SLC26A5: variants seen among roughly 807,000 people sequenced by gnomAD.
SLC26A5 encodes solute carrier family 26 member 5.
Under a neutral mutation model 81.0 loss-of-function variants are expected in SLC26A5, and 51 were observed. The observed-to-expected ratio is 0.63, with a 90% CI of 0.50 to 0.80. The LOEUF is 0.80. Ranked by LOEUF, SLC26A5 falls within the 30% of genes least tolerant of loss-of-function variation. SLC26A5 has a pLI of 0.00. For synonymous variants in SLC26A5, 325 were observed against 332.8 expected, an observed-to-expected ratio of 0.98 and a Z score of 0.25; for missense variants, 771 against 905.8, an observed-to-expected ratio of 0.85 and a Z score of 1.91.
chr7:103,363,192 A>C (rs1820514219), intron 19 of SLC26A5: 2 of 599,438 alleles, frequency 3.3e-6, no homozygotes, highest in Non-Finnish European at 2.9e-6. Context: ...TAATACAGCA[A>C]GTAGTTCCAG....
chr7:103,391,877 A>T (rs1405252692), intron 10 of SLC26A5, 142 bp from the exon 11 acceptor site: 1 of 726,114 alleles, frequency 1.4e-6, no homozygotes, highest in Admixed American at 2.0e-5. Context: ...GTTCAGCATG[A>T]GTTCAAAATA....
intron 4 of SLC26A5, among the ~76,000 whole-genome samples, chr7:103,419,737 C>A (rs1030702233): frequency 1.3e-5 from 2 of 151,974 alleles, no homozygotes; most frequent in African/African-American, 4.8e-5. Context: ...GGGGTTTCAC[C>A]ATGTTGGCCA....
At chr7:103,427,248 AT>A (rs890101355) in intron 2 of SLC26A5, among the ~76,000 whole-genome samples, 4 of 151,676 alleles carry the variant, frequency 2.6e-5, no homozygotes, top group Non-Finnish European at 5.9e-5. Context: ...TACTTTTTGT[AT>A]TTTTTTGGTA....
chr7:103,362,158 T>C, intron 19 of SLC26A5: 3 of 1,591,042 alleles, frequency 1.9e-6, no homozygotes, highest in Non-Finnish European at 2.6e-6. Flanking sequence ...TATCCTTGGC[T>C]TTGTAGTGAA....
intron 5 of SLC26A5, among the ~76,000 whole-genome samples, chr7:103,412,737 G>A (rs963714203): frequency 2.9e-4 from 44 of 151,942 alleles, no homozygotes; most frequent in African/African-American, 9.4e-4. Flanking sequence ...TTTACAAAGA[G>A]ATGGGGTTTC....
intron 8 of SLC26A5, among the ~76,000 whole-genome samples, chr7:103,398,949 G>C (rs1823366589): frequency 6.6e-6 from 1 of 151,992 alleles, no homozygotes; most frequent in African/African-American, 2.4e-5. Context: ...CTCTAACTAG[G>C]GGAGTGCCTA....
At chr7:103,406,827 A>G (rs1284992059) in intron 8 of SLC26A5, among the ~76,000 whole-genome samples, 1 of 152,064 alleles carries the variant, frequency 6.6e-6, no homozygotes, top group Non-Finnish European at 1.5e-5. Flanking sequence ...AATTTTTTGT[A>G]TTTTTAGTAG....
intron 9 of SLC26A5, among the ~76,000 whole-genome samples, chr7:103,394,186 G>A (rs1475998919): frequency 6.6e-6 from 1 of 152,184 alleles, no homozygotes; most frequent in African/African-American, 2.4e-5. Context: ...AGGAAACAGA[G>A]GAAGAAAGGG....
At chr7:103,429,081 G>C (rs771482966) in intron 2 of SLC26A5, among the ~76,000 whole-genome samples, 1 of 152,214 alleles carries the variant, frequency 6.6e-6, no homozygotes, top group African/African-American at 2.4e-5. Context: ...CAACATTCTG[G>C]GAACAGTATC....
chr7:103,436,901 G>A (rs1826491635), intron 2 of SLC26A5, among the ~76,000 whole-genome samples: 3 of 152,138 alleles, frequency 2.0e-5, no homozygotes. Context: ...TTCTGGATAT[G>A]GCTCCAAAGT....
Position 103,367,781 on chromosome 7 carries a change from G to A in SLC26A5, c.2041+9027C>T, listed in dbSNP as rs768163090. 6.2e-7 allele frequency: 1 copy of A among 1,613,840 alleles called. No individual in the cohort carries two copies. Among genetic ancestry groups the A allele is most frequent in the Non-Finnish European group, 8.5e-7 (1 of 1,179,814 alleles). The stretch of plus-strand genomic sequence containing the variant: ...TTGAAAGAGATATCAGATTTGAACT[G>A]TTAGCACGACTGTGTCCAAATAGCA... On this transcript the variant is annotated intron_variant, in intron 19 of 19. Transcript: ENST00000339444. This position sits in a 1 kb window ranked among gnomAD's most constrained non-coding sequence, Gnocchi z 6.1.
At chr7:103,400,713 A>C (rs747901983) in intron 8 of SLC26A5, among the ~76,000 whole-genome samples, 2 of 152,192 alleles carry the variant, frequency 1.3e-5, no homozygotes, top group African/African-American at 4.8e-5. Flanking sequence ...TTAACATTTA[A>C]GTCTTTAATC....
chr7:103,404,693 T>C (rs1460453093), intron 8 of SLC26A5, among the ~76,000 whole-genome samples: 1 of 152,110 alleles, frequency 6.6e-6, no homozygotes, highest in Admixed American at 6.6e-5. Context: ...ATCTTTGTGG[T>C]GTTCTCTGTA....
At chr7:103,407,726 A>G in intron 8 of SLC26A5, 125 bp downstream of exon 8, 1 of 1,099,276 alleles carries the variant, frequency 9.1e-7, no homozygotes, top group Non-Finnish European at 1.3e-6. Flanking sequence ...AAATTTGACA[A>G]ATTGTAACCT....
Position 103,367,678 on chromosome 7 carries a change from T to C in SLC26A5, c.2041+9130A>G. 2 of 1,608,538 alleles carry C rather than the reference T, an allele frequency of 1.2e-6. No individual in the cohort carries two copies. Among genetic ancestry groups the C allele is most frequent in the Non-Finnish European group, 1.7e-6 (2 of 1,177,366 alleles). On this transcript the variant is annotated intron_variant, in intron 19 of 19. Coordinates refer to the SLC26A5 transcript ENST00000339444. This position sits in a 1 kb window ranked among gnomAD's most constrained non-coding sequence, Gnocchi z 6.1. ...AAGTTTTTTCTTCCTGTGATTTTTTTCCATTTTAATATTTGTCAATTTTCT... is the reference window on the plus strand; with the variant it reads ...AAGTTTTTTCTTCCTGTGATTTTTTCCCATTTTAATATTTGTCAATTTTCT...
intron 8 of SLC26A5, among the ~76,000 whole-genome samples, chr7:103,398,692 G>A (rs1823343142): frequency 1.3e-5 from 2 of 152,170 alleles, no homozygotes; most frequent in Admixed American, 1.3e-4. Flanking sequence ...TTTGCTCCAC[G>A]CCCAGGAACT....
chr7:103,444,624 T>C (rs1827140148), intron 1 of SLC26A5, among the ~76,000 whole-genome samples: 1 of 152,232 alleles, frequency 6.6e-6, no homozygotes, highest in Non-Finnish European at 1.5e-5. Context: ...TTCTTTTGGT[T>C]TCACTCATAA....
At chr7:103,354,061 A>C (rs879773342) in intron 19 of SLC26A5, 123 of 895,524 alleles carry the variant, frequency 1.4e-4, no homozygotes, top group Non-Finnish European at 1.9e-4. Context: ...AAGAAACCAA[A>C]AATTAAAAAA....
At position 103,374,632 on chromosome 7, in the gene SLC26A5, T is replaced by C. The variant is rs577754031; in HGVS notation, c.2042-40A>G. The C allele has an allele frequency of 6.9e-6, 11 of 1,590,384 alleles. No individual in the cohort carries two copies. The African/African-American group carries it at 1.5e-4, about 21-fold the overall frequency. ...AAAGAAAATTAGTCCACACTCTGGA[T>C]ATCAGTCTTCAACAATTAAAAAAAA... is the stretch of plus-strand genomic sequence containing the variant. On this transcript the variant is annotated intron_variant, in intron 19 of 19. Coordinates refer to ENST00000306312, the MANE Select transcript of SLC26A5 (RefSeq NM_198999.3).
Sources: allele counts gnomAD v4.1 joint callset (sites outside exome capture counted in the v4.1 genomes callset), GRCh38; gene constraint gnomAD v4.1.1; non-coding constraint Gnocchi (gnomAD v3.1); transcripts MANE v1.5; gene names NCBI Gene and HGNC (gene_info 2026-07-23, HGNC 2026-07-21).